FOXR1: variants seen among roughly 807,000 people sequenced by gnomAD.
FOXR1 encodes forkhead box protein R1.
Under a neutral mutation model 34.5 loss-of-function variants are expected in FOXR1, and 25 were observed. The observed-to-expected ratio is 0.72, with a 90% CI of 0.53 to 1.01. FOXR1 has a LOEUF of 1.01. Ranked by LOEUF, FOXR1 falls within the 50% of genes least tolerant of loss-of-function variation. The pLI is 0.00. For synonymous variants in FOXR1, 153 were observed against 141.6 expected (o/e 1.08, Z -0.57); for missense variants, 373 against 376.2 (o/e 0.99, Z 0.07).
At position 118,980,597 on chromosome 11, in the gene FOXR1, G is replaced by A. The variant is rs1195473808; in HGVS notation, c.719G>A (p.Gly240Asp). 6.2e-7 allele frequency: 1 copy of A among 1,614,158 alleles called. No homozygotes were observed. Among genetic ancestry groups the A allele is most frequent in the Non-Finnish European group, 8.5e-7 (1 of 1,180,060 alleles). Residue 240 changes from glycine to aspartate, a missense_variant, in exon 5 of 6, where the codon GGC (glycine) becomes GAC (aspartate). Physicochemically the swap from Gly to Asp is moderately conservative, Grantham distance 94. Coordinates refer to ENST00000317011, the MANE Select transcript of FOXR1 (RefSeq NM_181721.3). ...SFEKVPVSMQ[G>D]GASTRPRSCL... ...GAGAAAGTGCCTGTCAGCATGCAGG[G>A]CGGGGCCAGCACACGGCCTCGATCT...
chr11:118,975,325 G>C (rs1186774645), intron 1 of FOXR1, among the ~76,000 whole-genome samples: 2 of 152,132 alleles, frequency 1.3e-5, no homozygotes, highest in Non-Finnish European at 2.9e-5. Flanking sequence ...AAACCTGACT[G>C]AAGGGGGTTT....
chr11:118,973,492 C>G (rs1046386047), intron 1 of FOXR1, among the ~76,000 whole-genome samples: 10 of 152,034 alleles, frequency 6.6e-5, no homozygotes, highest in Non-Finnish European at 8.8e-5. Flanking sequence ...CTCTGCCCCC[C>G]GGGTTCAAGT....
chr11:118,978,520 A>AT (rs200115849), intron 1 of FOXR1, among the ~76,000 whole-genome samples: 1 of 152,142 alleles, frequency 6.6e-6, no homozygotes. Context: ...AGAGCTCTAC[A>AT]TTTTTTTATA....
At chr11:118,976,383 A>G (rs1012681420) in intron 1 of FOXR1, among the ~76,000 whole-genome samples, 6 of 152,062 alleles carry the variant, frequency 3.9e-5, no homozygotes, top group Admixed American at 2.0e-4. Flanking sequence ...TGTATTTTTT[A>G]TAGAGATGGG....
At chr11:118,979,401 G>A (rs370937783) in intron 3 of FOXR1, 41 bp from the exon 4 acceptor site, 15 of 1,529,554 alleles carry the variant, frequency 9.8e-6, no homozygotes, top group South Asian at 1.3e-5. Flanking sequence ...TGGAGTAGAG[G>A]CTGAGGAGTC....
intron 1 of FOXR1, among the ~76,000 whole-genome samples, chr11:118,973,561 A>G (rs1941741785): frequency 6.6e-6 from 1 of 151,926 alleles, no homozygotes. Flanking sequence ...TACCATGCCC[A>G]GCTAATTTTT....
chr11:118,978,934 A>T, intron 2 of FOXR1, 23 bp from the exon 3 acceptor site: 2 of 1,613,354 alleles, frequency 1.2e-6, no homozygotes, highest in Non-Finnish European at 1.7e-6. Flanking sequence ...GGGCTGTGGC[A>T]CACAATCTTT....
rs78306676 is a variant in FOXR1 at position 118,980,820 on chromosome 11, G to T, written c.850+92G>T. On this transcript the variant is annotated intron_variant, in intron 5 of 5. Transcript: ENST00000317011. ...GTGGAAGCCTGGGTCACACCGTGGG[G>T]GTGGGGGAATGCATCTTCTATAGGA... The T allele has an allele frequency of 4.2e-3, 5,155 of 1,231,258 alleles. 165 individuals carry two copies. The African/African-American group carries it at 0.069, about 16-fold the overall frequency. The allele number at this position is 1,231,258 out of a possible 1,614,324, so 76.3% of individuals were successfully genotyped here.
At chr11:118,972,120 G>GC in intron 1 of FOXR1, 128 bp downstream of exon 1, 1 of 514,432 alleles carries the variant, frequency 1.9e-6, no homozygotes, top group South Asian at 2.1e-5. Context: ...GGGGGGCCGA[G>GC]CGCCCCGCGC....
chr11:118,978,646 T>C, intron 1 of FOXR1, 136 bp from the exon 2 acceptor site: 5 of 845,404 alleles, frequency 5.9e-6, no homozygotes, highest in Non-Finnish European at 9.7e-6. Context: ...GGAAAACCCG[T>C]AGAAGTAGAA....
At chr11:118,976,489 G>A (rs959822859) in intron 1 of FOXR1, among the ~76,000 whole-genome samples, 4 of 152,164 alleles carry the variant, frequency 2.6e-5, no homozygotes, top group African/African-American at 4.8e-5. Flanking sequence ...GGCATGAGCC[G>A]CTGCACCTGG....
chr11:118,977,713 ACACT>A (rs890684214), intron 1 of FOXR1, among the ~76,000 whole-genome samples: 2 of 152,212 alleles, frequency 1.3e-5, no homozygotes, highest in African/African-American at 4.8e-5. Context: ...TAATATAATG[ACACT>A]CATAGGGACA....
chr11:118,972,122 G>A, intron 1 of FOXR1, 130 bp downstream of exon 1: 2 of 482,506 alleles, frequency 4.1e-6, no homozygotes, highest in Non-Finnish European at 6.0e-6. Context: ...GGGGCCGAGC[G>A]CCCCGCGCCC....
chr11:118,973,697 CTT>C (rs33940358), intron 1 of FOXR1, among the ~76,000 whole-genome samples: 6 of 137,034 alleles, frequency 4.4e-5, no homozygotes, highest in Admixed American at 7.5e-5. Flanking sequence ...ACCCGGCCTT[CTT>C]TTTTTTTTTT....
chr11:118,980,761 G>GA, intron 5 of FOXR1, 33 bp downstream of exon 5: 1 of 1,586,108 alleles, frequency 6.3e-7, no homozygotes, highest in Non-Finnish European at 8.6e-7. Flanking sequence ...GGCCCAAGGG[G>GA]AAGAGACCTG....
At chr11:118,981,006 C>A (rs1020693425) in intron 5 of FOXR1, among the ~76,000 whole-genome samples, 1 of 152,190 alleles carries the variant, frequency 6.6e-6, no homozygotes, top group Non-Finnish European at 1.5e-5. Flanking sequence ...AGTGAGCACA[C>A]AACATGAGAA....
At position 118,971,959 on chromosome 11, in the gene FOXR1, A is replaced by G. The variant is rs1409760303; in HGVS notation, c.28A>G (p.Thr10Ala). 12 of 1,552,246 alleles carry G rather than the reference A, an allele frequency of 7.7e-6. No homozygotes were observed. The highest frequency in any genetic ancestry group is 9.6e-6 in the Non-Finnish European group (11 of 1,147,188). Reference protein sequence around the residue: MGNELFLAFTTSHLPLAEQK... With the variant: MGNELFLAFATSHLPLAEQK... ...GGGGAACGAGCTCTTTCTGGCCTTC[A>G]CCACATCTCACCTCCCCTTAGCGGA... Residue 10 changes from threonine to alanine, a missense_variant, in exon 1 of 6, where the codon ACC becomes GCC. Transcript: ENST00000317011.
intron 1 of FOXR1, among the ~76,000 whole-genome samples, chr11:118,977,020 TGATTTTTAC>T (rs1941787345): frequency 6.6e-6 from 1 of 152,110 alleles, no homozygotes; most frequent in Non-Finnish European, 1.5e-5. Context: ...TTGCTTATGG[TGATTTTTAC>T]TATGTTAGAA....
rs539121757 is a variant in FOXR1 at position 118,978,322 on chromosome 11, TC to T, written c.62-458del. On this transcript the variant is annotated intron_variant, in intron 1 of 5. Coordinates refer to ENST00000317011, the MANE Select transcript of FOXR1 (RefSeq NM_181721.3). ...GAATCTCTTGAGCACACCACTGCAC[TC>T]CAGCCTGTGCAACAGAGCAAGACCC... 3.0e-3 allele frequency among the ~76,000 whole-genome samples: 452 copies of T among 152,098 alleles called. 1 individual carries two copies. The highest frequency in any genetic ancestry group is 0.01 in the African/African-American group (432 of 41,502).
Sources: allele counts gnomAD v4.1 joint callset (sites outside exome capture counted in the v4.1 genomes callset), GRCh38; gene constraint gnomAD v4.1.1; transcripts MANE v1.5; gene names NCBI Gene and HGNC (gene_info 2026-07-23, HGNC 2026-07-21).